BCL2: variants seen among roughly 807,000 people sequenced by gnomAD.
BCL2 encodes BCL2 apoptosis regulator, also known as apoptosis regulator Bcl-2.
In BCL2, 1 loss-of-function variant was observed where a neutral mutation model predicts 14.2. The observed-to-expected ratio is 0.07, with a 90% CI of 0.02 to 0.33. The LOEUF (loss-of-function observed/expected upper bound fraction) is 0.33, where lower values mean the gene tolerates loss of function less well. BCL2 is among the 10% of genes least tolerant of loss of function. BCL2 has a pLI of 0.99. For synonymous variants in BCL2, 151 were observed against 137.2 expected, an observed-to-expected ratio of 1.10 and a Z score of -0.70; for missense variants, 247 against 305.9, an observed-to-expected ratio of 0.81 and a Z score of 1.44.
intron 2 of BCL2, among the ~76,000 whole-genome samples, chr18:63,186,022 A>G (rs117997962): frequency 0.014 from 2,174 of 152,344 alleles, 25 homozygotes; most frequent in Non-Finnish European, 0.024. Context: ...GTTGTTTGAT[A>G]TGGTTTCTGC....
At chr18:63,178,096 G>C (rs982731946) in intron 2 of BCL2, among the ~76,000 whole-genome samples, 4 of 152,230 alleles carry the variant, frequency 2.6e-5, no homozygotes, top group African/African-American at 9.6e-5. Flanking sequence ...GAGGCCTCAT[G>C]ATAAATCAGT....
intron 2 of BCL2, among the ~76,000 whole-genome samples, chr18:63,156,170 G>A (rs943464980): frequency 1.3e-5 from 2 of 149,434 alleles, no homozygotes; most frequent in South Asian, 2.1e-4. Context: ...AAGAAAGCAA[G>A]AGCCAACATA....
In BCL2 at chr18:63,277,574, CTTTT is replaced by C. The variant is rs11384331; in HGVS notation, c.585+40504_585+40507del. On this transcript the variant is annotated intron_variant, in intron 2 of 2. Transcript: ENST00000333681. ...CTGGGTGACAGAGGGAGATCATGTC[CTTTT>C]TTTTTTTTTTTTTTAAGGTATTTAT... Among the ~76,000 whole-genome samples the C allele has an allele frequency of 8.1e-3, 1,097 of 135,040 alleles. 11 individuals carry two copies. Among genetic ancestry groups the C allele is most frequent in the African/African-American group, 0.029 (1,048 of 36,510 alleles). The allele number at this position is 135,040 out of a possible 152,430, so 88.6% of individuals were successfully genotyped here.
chr18:63,131,833 G>A (rs752395198), intron 2 of BCL2, among the ~76,000 whole-genome samples: 3 of 152,150 alleles, frequency 2.0e-5, no homozygotes, highest in Admixed American at 6.5e-5. Flanking sequence ...CTGGGAAACC[G>A]GAGGATGCAG....
intron 2 of BCL2, among the ~76,000 whole-genome samples, chr18:63,228,214 G>T (rs1472814951): frequency 6.6e-6 from 1 of 152,230 alleles, no homozygotes. Context: ...ACACAGTAGA[G>T]AATGTAACTT....
chr18:63,278,793 T>G lies in BCL2; in HGVS notation c.585+39289A>C, dbSNP rs146375504. On this transcript the variant is annotated intron_variant, in intron 2 of 2. Coordinates refer to ENST00000333681, the MANE Select transcript of BCL2 (RefSeq NM_000633.3). ...TATTTTTCCTTAACAATACCAAGAC[T>G]TATAGAGCTATAAGTAAGACAGTGT... Among the ~76,000 whole-genome samples, 466 of 152,278 alleles carry G rather than the reference T, an allele frequency of 3.1e-3. 4 individuals are homozygous for G. Among genetic ancestry groups the G allele is most frequent in the African/African-American group, 0.011 (454 of 41,548 alleles).
At chr18:63,302,735 T>C (rs943303906) in intron 2 of BCL2, 1 of 985,312 alleles carries the variant, frequency 1.0e-6, no homozygotes, top group Non-Finnish European at 1.2e-6. Context: ...TTAGTAAGGA[T>C]GCAGTAAGAG....
chr18:63,301,497 T>G (rs992331364), intron 2 of BCL2, among the ~76,000 whole-genome samples: 1 of 152,248 alleles, frequency 6.6e-6, no homozygotes, highest in Non-Finnish European at 1.5e-5. Flanking sequence ...TGAGCTCTTA[T>G]GAGCAATGGG....
intron 2 of BCL2, among the ~76,000 whole-genome samples, chr18:63,139,099 T>C (rs1258553499): frequency 1.3e-5 from 2 of 152,176 alleles, no homozygotes; most frequent in East Asian, 1.9e-4. Flanking sequence ...AATTACCTTC[T>C]GGGCTGGGGT....
In BCL2 at chr18:63,124,787, A is replaced by T. The variant is rs1017605403; in HGVS notation, c.*3838T>A. On this transcript the variant is annotated 3_prime_UTR_variant, in exon 3 of 3. Transcript: ENST00000333681. The stretch of plus-strand genomic sequence containing the variant: ...GCTGCAAAAGACACCACAGAATAAG[A>T]TCAGAATAGAATTTCAACTGACTCC... The T allele has an allele frequency of 8.7e-6, 2 of 229,658 alleles. No individual in the cohort carries two copies. Among genetic ancestry groups the T allele is most frequent in the Non-Finnish European group, 1.7e-5 (2 of 115,564 alleles). The allele number at this position is 229,658 out of a possible 1,614,324, so 14.2% of individuals were successfully genotyped here.
chr18:63,177,562 T>C (rs1454498250), intron 2 of BCL2, among the ~76,000 whole-genome samples: 1 of 152,236 alleles, frequency 6.6e-6, no homozygotes, highest in Non-Finnish European at 1.5e-5. Flanking sequence ...TGCCTGTCCC[T>C]GGCGCGTTTA....
chr18:63,253,092 T>C (rs1461715628), intron 2 of BCL2, among the ~76,000 whole-genome samples: 1 of 152,254 alleles, frequency 6.6e-6, no homozygotes, highest in Non-Finnish European at 1.5e-5. Context: ...ATGCATGGTG[T>C]AGCTGCCACT....
chr18:63,240,077 C>T (rs1910956507), intron 2 of BCL2, among the ~76,000 whole-genome samples: 1 of 152,168 alleles, frequency 6.6e-6, no homozygotes, highest in Non-Finnish European at 1.5e-5. Flanking sequence ...ACAATCTCTC[C>T]CTCCTGGGCT....
intron 2 of BCL2, among the ~76,000 whole-genome samples, chr18:63,160,523 A>T (rs990824482): frequency 1.3e-5 from 2 of 152,226 alleles, no homozygotes; most frequent in Non-Finnish European, 2.9e-5. Flanking sequence ...ACCACAGTGC[A>T]GAGTCCCCTC....
At chr18:63,294,687 AAAG>A (rs756053857) in intron 2 of BCL2, among the ~76,000 whole-genome samples, 1 of 151,928 alleles carries the variant, frequency 6.6e-6, no homozygotes, top group African/African-American at 2.4e-5. Flanking sequence ...AAGAAAAAAA[AAAG>A]TAGTTAAATT....
intron 2 of BCL2, among the ~76,000 whole-genome samples, chr18:63,291,704 C>CT (rs1912649590): frequency 6.6e-6 from 1 of 150,538 alleles, no homozygotes; most frequent in Non-Finnish European, 1.5e-5. Context: ...CAACCGAGGC[C>CT]CTGGAGTACT....
chr18:63,194,528 T>C (rs1909389651), intron 2 of BCL2, among the ~76,000 whole-genome samples: 1 of 152,042 alleles, frequency 6.6e-6, no homozygotes, highest in African/African-American at 2.4e-5. Context: ...AGAGACGGGA[T>C]TTCACCATGT....
intron 2 of BCL2, among the ~76,000 whole-genome samples, chr18:63,311,679 G>C (rs1250207059): frequency 6.6e-6 from 1 of 152,166 alleles, no homozygotes; most frequent in Non-Finnish European, 1.5e-5. Context: ...ACAAGAAGCA[G>C]AATGGAAACA....
At chr18:63,183,060 T>C (rs1915514121) in intron 2 of BCL2, among the ~76,000 whole-genome samples, 1 of 152,178 alleles carries the variant, frequency 6.6e-6, no homozygotes, top group Non-Finnish European at 1.5e-5. Context: ...AATGAGCAGA[T>C]GCATGTCACA....
Sources: allele counts gnomAD v4.1 joint callset (sites outside exome capture counted in the v4.1 genomes callset), GRCh38; gene constraint gnomAD v4.1.1; transcripts MANE v1.5; gene names NCBI Gene and HGNC (gene_info 2026-07-23, HGNC 2026-07-21).